Variants in USP3 observed in about 807,000 individuals in gnomAD.
USP3 encodes ubiquitin carboxyl-terminal hydrolase 3.
In USP3, 20 loss-of-function variants were observed where a neutral mutation model predicts 72.3. The ratio of observed to expected loss-of-function variants is 0.28; its 90% CI spans 0.19 to 0.40. The LOEUF (loss-of-function observed/expected upper bound fraction) is 0.40, where lower values mean the gene tolerates loss of function less well. USP3 is among the 10% of genes least tolerant of loss of function. The pLI, the probability that USP3 is intolerant of heterozygous loss-of-function variation, is 1.00. For missense variants in USP3, 479 were observed against 633.9 expected (o/e 0.76, Z 2.62); for synonymous variants, 222 against 225.3 (o/e 0.99, Z 0.13).
Position 63,588,717 on chromosome 15 carries a change from T to G in USP3, c.1231T>G (p.Leu411Val), listed in dbSNP as rs531486273. Residue 411 changes from leucine to valine, a missense_variant, in exon 13 of 15, where the codon TTG becomes GTG. Transcript: ENST00000380324. This position sits in a 1 kb window ranked among gnomAD's most constrained non-coding sequence, Gnocchi z 4.6. Reference protein sequence around the residue: ...QKLPKVLCLHLKRFHWTAYLR... With the variant: ...QKLPKVLCLHVKRFHWTAYLR... ...TGTCCTCCAGGTGCTATGCTTACAT[T>G]TGAAAAGATTTCATTGGACAGCATA... 1 of 1,613,472 alleles carries G rather than the reference T, an allele frequency of 6.2e-7. No homozygotes were observed. The highest frequency in any genetic ancestry group is 1.7e-5 in the Admixed American group (1 of 59,978).
rs2066579719 is a variant in USP3, at chr15:63,560,033, G to A, written c.647+63G>A. On this transcript the variant is annotated intron_variant, in intron 7 of 14. Coordinates refer to ENST00000380324, the MANE Select transcript of USP3 (RefSeq NM_006537.4). ...ACAAAACAAATTACTTTCACTGGTG[G>A]TTTCCATTGTACTAAGTGAGCTAAC... is the stretch of plus-strand genomic sequence containing the variant. 7 of 1,434,336 alleles carry A rather than the reference G, an allele frequency of 4.9e-6. No homozygotes were observed. The Admixed American group carries it at 1.2e-4, about 25-fold the overall frequency. The allele number at this position is 1,434,336 out of a possible 1,614,324, so 88.9% of individuals were successfully genotyped here. A position where few individuals can be genotyped will look rare whatever the true frequency, so the allele number is the denominator to read the frequency against.
At chr15:63,549,895 TGACTC>T (rs1278485781) in intron 3 of USP3, among the ~76,000 whole-genome samples, 12 of 152,252 alleles carry the variant, frequency 7.9e-5, no homozygotes, top group African/African-American at 4.8e-5. Context: ...AACTCTTCCT[TGACTC>T]AAGCAACCAA....
intron 11 of USP3, among the ~76,000 whole-genome samples, chr15:63,578,467 C>G (rs1430700065): frequency 6.6e-6 from 1 of 151,070 alleles, no homozygotes; most frequent in South Asian, 2.1e-4. Context: ...AAAAAATTAG[C>G]TGGGCATGGT....
chr15:63,517,915 T>C (rs2065873554), intron 1 of USP3, among the ~76,000 whole-genome samples: 1 of 152,214 alleles, frequency 6.6e-6, no homozygotes, highest in Admixed American at 6.5e-5. Flanking sequence ...TGTTGAAATC[T>C]TTTGTCTGCT....
At chr15:63,585,554 G>A (rs977543655) in intron 11 of USP3, among the ~76,000 whole-genome samples, 2 of 152,084 alleles carry the variant, frequency 1.3e-5, no homozygotes, top group African/African-American at 4.8e-5. Context: ...TAATTTTTGT[G>A]TGTTGATTTT....
chr15:63,549,813 G>A (rs1325639140), intron 3 of USP3, among the ~76,000 whole-genome samples: 2 of 152,096 alleles, frequency 1.3e-5, no homozygotes, highest in African/African-American at 2.4e-5. Flanking sequence ...TTTGATTGTC[G>A]AATATTGGCA....
Position 63,511,266 on chromosome 15 carries a change from T to TAAAAAAAAAA in USP3, c.91+6443_91+6452dup, listed in dbSNP as rs61283920. Among the ~76,000 whole-genome samples, 282 of 42,862 alleles carry TAAAAAAAAAA rather than the reference T, an allele frequency of 6.6e-3. 21 individuals are homozygous for TAAAAAAAAAA. Among genetic ancestry groups the TAAAAAAAAAA allele is most frequent in the Non-Finnish European group, 9.8e-3 (202 of 20,512 alleles). 28.1% of individuals were successfully genotyped at this position (42,862 alleles called of 152,430 possible). On this transcript the variant is annotated intron_variant, in intron 1 of 14. Coordinates refer to ENST00000380324, the MANE Select transcript of USP3 (RefSeq NM_006537.4). ...TTCAGACTTTTAGCTTGCTTTTTCT[T>TAAAAAAAAAA]AAAAAAAAAAAAAAAAGAGTCTTTA...
chr15:63,561,516 C>T (rs899812430), intron 7 of USP3, among the ~76,000 whole-genome samples: 3 of 152,288 alleles, frequency 2.0e-5, no homozygotes, highest in African/African-American at 4.8e-5. Context: ...TGGGTGCTGG[C>T]GGACACAGCC....
At chr15:63,577,149 A>C (rs1471758461) in intron 11 of USP3, among the ~76,000 whole-genome samples, 1 of 152,216 alleles carries the variant, frequency 6.6e-6, no homozygotes, top group African/African-American at 2.4e-5. Context: ...CAGTTCTAAA[A>C]CCTGACAGAT....
chr15:63,590,813 C>A lies in USP3; in HGVS notation c.1550C>A (p.Ser517Ter), dbSNP rs942536227. 6.2e-7 allele frequency: 1 copy of A among 1,612,214 alleles called. No individual in the cohort carries two copies. Among genetic ancestry groups the A allele is most frequent in the South Asian group, 1.1e-5 (1 of 90,640 alleles). ...GTGGAACACCAGGCCAAAGCTGGAT[C>A]GGATAAACTTTAATACCTCCTCCAA... ...FYVEHQAKAG[S>*]DKL Residue 517 changes from serine (S) to a stop codon, truncating the protein, a stop_gained, in exon 15 of 15, where the codon TCG (serine) becomes TAG (stop). Coordinates refer to ENST00000380324, the MANE Select transcript of USP3 (RefSeq NM_006537.4). LOFTEE classifies it high-confidence loss of function.
intron 9 of USP3, among the ~76,000 whole-genome samples, chr15:63,573,591 A>C (rs569954882): frequency 6.6e-6 from 1 of 152,288 alleles, no homozygotes; most frequent in East Asian, 1.9e-4. Context: ...CTGTATAAAA[A>C]CTCTAAAACT....
In USP3 at chr15:63,550,077, T is replaced by A. The variant is rs143392679; in HGVS notation, c.285-3638T>A. 1.7e-3 allele frequency among the ~76,000 whole-genome samples: 254 copies of A among 152,340 alleles called. 3 individuals carry two copies. Among genetic ancestry groups the A allele is most frequent in the African/African-American group, 5.9e-3 (245 of 41,584 alleles). On this transcript the variant is annotated intron_variant, in intron 3 of 14. Coordinates refer to ENST00000380324, the MANE Select transcript of USP3 (RefSeq NM_006537.4). The stretch of plus-strand genomic sequence containing the variant: ...CAGGCTGGAGTGCACTGGAGTGCAG[T>A]GGCATGATCTCAGCTCACTGCAACC...
chr15:63,537,742 A>G (rs1037213370), intron 3 of USP3, among the ~76,000 whole-genome samples: 5 of 151,908 alleles, frequency 3.3e-5, no homozygotes, highest in Admixed American at 1.3e-4. Flanking sequence ...CTGGAGTGCA[A>G]TGGCGCAATA....
intron 4 of USP3, among the ~76,000 whole-genome samples, chr15:63,554,512 T>C (rs1422516475): frequency 6.6e-6 from 1 of 152,204 alleles, no homozygotes; most frequent in Non-Finnish European, 1.5e-5. Flanking sequence ...GACTGCTGAC[T>C]CAAGTGAAAT....
chr15:63,519,862 G>GT (rs375748374), intron 1 of USP3, among the ~76,000 whole-genome samples: 2,916 of 151,390 alleles, frequency 0.019, 42 homozygotes, highest in Middle Eastern at 0.062. Flanking sequence ...TAAGCACTCG[G>GT]TTTTTTTTTA....
intron 1 of USP3, among the ~76,000 whole-genome samples, chr15:63,527,610 G>C (rs1210924034): frequency 6.6e-6 from 1 of 152,216 alleles, no homozygotes; most frequent in Non-Finnish European, 1.5e-5. Context: ...ACAGGATATT[G>C]AAGATCAGTG....
intron 1 of USP3, among the ~76,000 whole-genome samples, chr15:63,508,445 T>G (rs2065741520): frequency 1.3e-5 from 2 of 152,184 alleles, no homozygotes; most frequent in African/African-American, 4.8e-5. Flanking sequence ...GGAAGCTAAC[T>G]AGTTAGAAGA....
At position 63,590,839 on chromosome 15, in the gene USP3, A is replaced by ATCATCAT; in HGVS notation, c.*17_*23dup. 6.2e-7 allele frequency: 1 copy of ATCATCAT among 1,601,532 alleles called. No homozygotes were observed. The highest frequency in any genetic ancestry group is 1.3e-5 in the African/African-American group (1 of 74,506). ...GGATAAACTTTAATACCTCCTCCAA[A>ATCATCAT]TCATCATTCACCAACCATACCAGAG... On this transcript the variant is annotated 3_prime_UTR_variant, in exon 15 of 15. Transcript: ENST00000380324.
At position 63,591,066 on chromosome 15, in the gene USP3, G is replaced by A. The variant is rs1027214323; in HGVS notation, c.*240G>A. ...TAGTTGTAATAATTCAATTTTTATAGGTAGTTGTAAGAACTTAGTCTTATT... is the reference window on the plus strand; with the variant it reads ...TAGTTGTAATAATTCAATTTTTATAAGTAGTTGTAAGAACTTAGTCTTATT... On this transcript the variant is annotated 3_prime_UTR_variant, in exon 15 of 15. Coordinates refer to ENST00000380324, the MANE Select transcript of USP3 (RefSeq NM_006537.4). The A allele has an allele frequency of 2.4e-6, 1 of 418,290 alleles. No homozygotes were observed. Among genetic ancestry groups the A allele is most frequent in the Admixed American group, 4.4e-5 (1 of 22,820 alleles). The allele number at this position is 418,290 out of a possible 1,614,324, so 25.9% of individuals were successfully genotyped here.
Sources: allele counts gnomAD v4.1 joint callset (sites outside exome capture counted in the v4.1 genomes callset), GRCh38; gene constraint gnomAD v4.1.1; non-coding constraint Gnocchi (gnomAD v3.1); transcripts MANE v1.5; gene names NCBI Gene and HGNC (gene_info 2026-07-23, HGNC 2026-07-21).